Variants in UNC5D observed in about 807,000 individuals in gnomAD.
UNC5D encodes the protein unc-5 netrin receptor D.
In UNC5D, 39 loss-of-function variants were observed where a neutral mutation model predicts 105.4. That is an observed-to-expected ratio of 0.37 (90% confidence interval 0.29 to 0.48). The LOEUF is 0.48. UNC5D is among the 20% of genes least tolerant of loss of function. The probability of loss-of-function intolerance (pLI) is 0.98; values close to 1 mark genes in which losing one functional copy is unlikely to be tolerated. For missense variants in UNC5D, 991 were observed against 1,202.4 expected, an observed-to-expected ratio of 0.82 and a Z score of 2.60; for synonymous variants, 452 against 450.4, an observed-to-expected ratio of 1.00 and a Z score of -0.04.
intron 1 of UNC5D, among the ~76,000 whole-genome samples, chr8:35,461,112 G>A (rs564102966): frequency 2.3e-4 from 35 of 152,316 alleles, no homozygotes; most frequent in African/African-American, 7.5e-4. Flanking sequence ...ACTCCTAAAG[G>A]AAGGCTCCAA....
chr8:35,740,301 G>A (rs943285029), intron 11 of UNC5D, among the ~76,000 whole-genome samples: 55 of 152,168 alleles, frequency 3.6e-4, no homozygotes, highest in African/African-American at 1.3e-3. Flanking sequence ...TCTAATGTAC[G>A]GGTCCTTAGG....
chr8:35,606,800 C>T (rs1375504122), intron 4 of UNC5D, among the ~76,000 whole-genome samples: 2 of 152,098 alleles, frequency 1.3e-5, no homozygotes, highest in African/African-American at 4.8e-5. Flanking sequence ...GTGTGCATAC[C>T]CAGCCACCCA....
At chr8:35,300,953 G>A (rs989730462) in intron 1 of UNC5D, among the ~76,000 whole-genome samples, 2 of 152,134 alleles carry the variant, frequency 1.3e-5, no homozygotes, top group African/African-American at 4.8e-5. Flanking sequence ...ACACCAATAG[G>A]AATACAGATG....
At chr8:35,776,677 A>G (rs979267411) in intron 16 of UNC5D, among the ~76,000 whole-genome samples, 1 of 152,190 alleles carries the variant, frequency 6.6e-6, no homozygotes, top group African/African-American at 2.4e-5. Context: ...TTTTTGACAT[A>G]ATTCATATAA....
intron 4 of UNC5D, among the ~76,000 whole-genome samples, chr8:35,665,021 A>C (rs1824338207): frequency 6.6e-6 from 1 of 151,858 alleles, no homozygotes; most frequent in Non-Finnish European, 1.5e-5. Flanking sequence ...TTTTATAGAG[A>C]CAGGGTCTTG....
chr8:35,256,524 A>G (rs1804085404), intron 1 of UNC5D: 1 of 151,916 alleles, frequency 6.6e-6, no homozygotes, highest in African/African-American at 2.4e-5. Context: ...GCTATGGGCC[A>G]TTCATTGTGC....
intron 1 of UNC5D, among the ~76,000 whole-genome samples, chr8:35,415,652 G>A (rs1207137922): frequency 6.6e-6 from 1 of 152,218 alleles, no homozygotes; most frequent in East Asian, 1.9e-4. Context: ...TGTCCAGGCA[G>A]CTACTTTGAA....
chr8:35,606,041 G>A (rs541103509), intron 4 of UNC5D, among the ~76,000 whole-genome samples: 30 of 151,590 alleles, frequency 2.0e-4, no homozygotes, highest in African/African-American at 6.1e-4. Flanking sequence ...AGGCTGGAGT[G>A]CAACGGTGTG....
intron 1 of UNC5D, among the ~76,000 whole-genome samples, chr8:35,382,963 A>C (rs554530261): frequency 6.6e-6 from 1 of 152,360 alleles, no homozygotes; most frequent in Non-Finnish European, 1.5e-5. Context: ...AAGGCAGCAC[A>C]GGCTCAATAA....
chr8:35,336,194 T>C (rs908418910), intron 1 of UNC5D, among the ~76,000 whole-genome samples: 1 of 152,236 alleles, frequency 6.6e-6, no homozygotes, highest in East Asian at 1.9e-4. Flanking sequence ...ATAAAGAAAA[T>C]GCAATTTTGA....
At chr8:35,319,484 C>G (rs1475962094) in intron 1 of UNC5D, among the ~76,000 whole-genome samples, 2 of 152,106 alleles carry the variant, frequency 1.3e-5, no homozygotes, top group Non-Finnish European at 2.9e-5. Context: ...ATAAGATGGT[C>G]TCTTTCCTAT....
chr8:35,557,377 T>C (rs1401823701), intron 2 of UNC5D, among the ~76,000 whole-genome samples: 1 of 152,224 alleles, frequency 6.6e-6, no homozygotes, highest in Admixed American at 6.5e-5. Context: ...TCATTAGGCA[T>C]GGCGCACATG....
chr8:35,775,644 G>C (rs557321467), intron 16 of UNC5D, among the ~76,000 whole-genome samples: 1 of 149,730 alleles, frequency 6.7e-6, no homozygotes, highest in African/African-American at 2.5e-5. Flanking sequence ...TTTTCTTACT[G>C]TTTGGCTTGC....
intron 8 of UNC5D, among the ~76,000 whole-genome samples, chr8:35,712,126 C>T (rs143871977): frequency 0.012 from 1,850 of 152,182 alleles, 19 homozygotes; most frequent in Middle Eastern, 0.034. Context: ...CAAAAATTAG[C>T]CAGGTGTGGT....
At chr8:35,675,724 AT>A (rs2131299660) in intron 4 of UNC5D, among the ~76,000 whole-genome samples, 1 of 152,142 alleles carries the variant, frequency 6.6e-6, no homozygotes, top group East Asian at 1.9e-4. Context: ...GGAAAGCTGG[AT>A]TTTAAAGCAG....
chr8:35,686,855 C>A, intron 7 of UNC5D, 146 bp downstream of exon 7: 3 of 995,276 alleles, frequency 3.0e-6, no homozygotes, highest in South Asian at 1.7e-5. Context: ...GTAAAAAGTG[C>A]AGAAAAGCAG....
At chr8:35,662,875 C>G (rs1401059549) in intron 4 of UNC5D, among the ~76,000 whole-genome samples, 2 of 152,202 alleles carry the variant, frequency 1.3e-5, no homozygotes, top group Non-Finnish European at 2.9e-5. Flanking sequence ...ACCACCTGAG[C>G]TCTGCCTCCT....
intron 1 of UNC5D, among the ~76,000 whole-genome samples, chr8:35,392,508 C>A (rs1262730557): frequency 1.3e-5 from 2 of 152,208 alleles, no homozygotes; most frequent in African/African-American, 4.8e-5. Context: ...CCTGATCCAC[C>A]ATGCCTGGCC....
At chr8:35,238,734 A>C (rs1037998090) in intron 1 of UNC5D, among the ~76,000 whole-genome samples, 51 of 152,184 alleles carry the variant, frequency 3.4e-4, no homozygotes, top group African/African-American at 1.2e-3. Flanking sequence ...TCTTGCTTTA[A>C]AACATTTCCT....
Sources: allele counts gnomAD v4.1 joint callset (sites outside exome capture counted in the v4.1 genomes callset), GRCh38; gene constraint gnomAD v4.1.1; transcripts MANE v1.5; gene names NCBI Gene and HGNC (gene_info 2026-07-23, HGNC 2026-07-21).